Variants in RAB11FIP2 observed in about 807,000 individuals in gnomAD.
RAB11FIP2 encodes the protein RAB11 family interacting protein 2, also known as rab11 family-interacting protein 2.
In RAB11FIP2, 16 loss-of-function variants were observed where a neutral mutation model predicts 40.9. That is an observed-to-expected ratio of 0.39 (90% confidence interval 0.26 to 0.59). The LOEUF (loss-of-function observed/expected upper bound fraction) is 0.59. Among genes scored for constraint, RAB11FIP2 ranks in the 20% least tolerant of loss-of-function variants. The pLI is 0.53. For missense variants in RAB11FIP2, 532 were observed against 606.2 expected (o/e 0.88, Z 1.28); for synonymous variants, 228 against 213.7 (o/e 1.07, Z -0.58).
At chr10:118,044,432 T>C (rs538088947) in intron 1 of RAB11FIP2, among the ~76,000 whole-genome samples, 5 of 152,312 alleles carry the variant, frequency 3.3e-5, no homozygotes, top group African/African-American at 1.2e-4. Flanking sequence ...TTTTTCACTT[T>C]CAATTTGATA....
intron 2 of RAB11FIP2, chr10:118,039,729 A>C (rs1846530036): frequency 5.3e-6 from 2 of 379,746 alleles, no homozygotes; most frequent in Admixed American, 8.4e-5. Flanking sequence ...ATAATGTTAA[A>C]AATTCTCAGA....
rs1055831066 is a variant in RAB11FIP2 at position 118,007,666 on chromosome 10, A to G, written c.*1332T>C. On this transcript the variant is annotated 3_prime_UTR_variant, in exon 5 of 5. Transcript: ENST00000355624. ...TTAAAGGCTGAAAAATAAGCAGAAG[A>G]TTAGCAATATTTTTATAACATTGCT... 1 of 152,102 alleles carries G rather than the reference A, an allele frequency of 6.6e-6. No individual in the cohort carries two copies. Among genetic ancestry groups the G allele is most frequent in the African/African-American group, 2.4e-5 (1 of 41,442 alleles). The allele number at this position is 152,102 out of a possible 1,614,324, so 9.4% of individuals were successfully genotyped here.
chr10:118,020,874 T>C (rs1846276122), intron 3 of RAB11FIP2, among the ~76,000 whole-genome samples: 1 of 152,246 alleles, frequency 6.6e-6, no homozygotes, highest in Admixed American at 6.5e-5. Flanking sequence ...GACAAAGGTT[T>C]GTTCTATTTC....
rs1846542051 is a variant in RAB11FIP2, at chr10:118,040,402, C to A, written c.517G>T (p.Gly173Cys). ...PFAKLKDKMK[G>C]RKNDGTFSDT... Reference sequence around the variant, plus strand: ...GAAAATGTTCCATCATTTTTTCTACCCTTCATCTTATCTTTTAACTTTGCA... The same window carrying A: ...GAAAATGTTCCATCATTTTTTCTACACTTCATCTTATCTTTTAACTTTGCA... Residue 173 changes from glycine (G) to cysteine (C), a missense_variant, in exon 2 of 5, where the codon GGT (glycine) becomes TGT (cysteine). Transcript: ENST00000355624. 1 of 1,613,600 alleles carries A rather than the reference C, an allele frequency of 6.2e-7. No individual in the cohort carries two copies. Among genetic ancestry groups the A allele is most frequent in the Admixed American group, 1.7e-5 (1 of 59,974 alleles).
In RAB11FIP2 at chr10:118,008,912, A is replaced by C; in HGVS notation, c.*86T>G. On this transcript the variant is annotated 3_prime_UTR_variant, in exon 5 of 5. Transcript: ENST00000355624. ...AATATGTAATGAAACCTGATAGTGT[A>C]GTCTCTTTCAGTAACAAGTTTTTCC... The C allele has an allele frequency of 9.6e-7, 1 of 1,039,678 alleles. No individual in the cohort carries two copies. The highest frequency in any genetic ancestry group is 1.5e-5 in the South Asian group (1 of 67,270). The allele number at this position is 1,039,678 out of a possible 1,614,324, so 64.4% of individuals were successfully genotyped here.
chr10:118,039,685 TATG>T, intron 2 of RAB11FIP2: 1 of 448,816 alleles, frequency 2.2e-6, no homozygotes, highest in African/African-American at 2.0e-5. Context: ...TCATATAAAC[TATG>T]ATGTCAAAAC....
rs367673732 is a variant in RAB11FIP2 at position 118,046,759 on chromosome 10, G to A, written c.-596C>T. ...CTCTCGGGCGGGAGCGGGTAGCCAG[G>A]GGTGGAGTGGGGGAGGGCGGGGAAC... On this transcript the variant is annotated 5_prime_UTR_variant, in exon 1 of 5. Transcript: ENST00000355624. 1 of 152,198 alleles carries A rather than the reference G, an allele frequency of 6.6e-6. No individual in the cohort carries two copies. Among genetic ancestry groups the A allele is most frequent in the Non-Finnish European group, 1.5e-5 (1 of 68,148 alleles). The allele number at this position is 152,198 out of a possible 1,614,324, so 9.4% of individuals were successfully genotyped here.
At chr10:118,014,831 A>G (rs1048368246) in intron 4 of RAB11FIP2, among the ~76,000 whole-genome samples, 4 of 152,192 alleles carry the variant, frequency 2.6e-5, no homozygotes, top group African/African-American at 9.6e-5. Context: ...ATTGGCTTCA[A>G]TTATAACCAA....
At chr10:118,021,959 T>A (rs916731680) in intron 3 of RAB11FIP2, among the ~76,000 whole-genome samples, 1 of 152,230 alleles carries the variant, frequency 6.6e-6, no homozygotes, top group Non-Finnish European at 1.5e-5. Context: ...TCTTTTCAAC[T>A]ACCAATCTCT....
intron 1 of RAB11FIP2, among the ~76,000 whole-genome samples, chr10:118,042,297 G>A (rs1053287022): frequency 1.3e-5 from 2 of 152,086 alleles, no homozygotes; most frequent in African/African-American, 2.4e-5. Context: ...AAGGGGGTGG[G>A]GGTAGTGGAA....
Position 118,007,199 on chromosome 10 carries a change from C to A in RAB11FIP2, c.*1799G>T. On this transcript the variant is annotated 3_prime_UTR_variant, in exon 5 of 5. Coordinates refer to ENST00000355624, the MANE Select transcript of RAB11FIP2 (RefSeq NM_014904.3). ...AAAAAAAAACTACCAAGACCTCAAA[C>A]GGGAAAATACCATTCTACACCAGAC... 6.7e-6 allele frequency: 1 copy of A among 148,334 alleles called. No homozygotes were observed. The allele number at this position is 148,334 out of a possible 1,614,324, so 9.2% of individuals were successfully genotyped here. A position where few individuals can be genotyped will look rare whatever the true frequency, so the allele number is the denominator to read the frequency against.
At chr10:118,043,998 C>T (rs1846594945) in intron 1 of RAB11FIP2, among the ~76,000 whole-genome samples, 1 of 152,152 alleles carries the variant, frequency 6.6e-6, no homozygotes. Context: ...ACTTTGAATG[C>T]AATAACATCA....
At chr10:118,038,768 G>C (rs756700867) in intron 3 of RAB11FIP2, among the ~76,000 whole-genome samples, 1 of 151,966 alleles carries the variant, frequency 6.6e-6, no homozygotes, top group Non-Finnish European at 1.5e-5. Flanking sequence ...GAGAATAAGA[G>C]TCTTTTATCT....
At chr10:118,024,051 C>T (rs956680329) in intron 3 of RAB11FIP2, among the ~76,000 whole-genome samples, 2 of 149,234 alleles carry the variant, frequency 1.3e-5, no homozygotes, top group African/African-American at 5.0e-5. Flanking sequence ...GATCACGCCA[C>T]TGCACTCCAG....
chr10:118,018,365 C>T (rs1048503873), intron 3 of RAB11FIP2: 1 of 152,168 alleles, frequency 6.6e-6, no homozygotes, highest in Non-Finnish European at 1.5e-5. Context: ...GACAAGATAT[C>T]GAATAATCCG....
At chr10:118,020,050 CACTT>C (rs1013490450) in intron 3 of RAB11FIP2, among the ~76,000 whole-genome samples, 15 of 152,286 alleles carry the variant, frequency 9.8e-5, no homozygotes, top group African/African-American at 3.6e-4. Flanking sequence ...CATGTTAACT[CACTT>C]AATCCTTGTA....
chr10:118,038,862 T>C (rs1362483295), intron 3 of RAB11FIP2, 110 bp downstream of exon 3: 7 of 787,032 alleles, frequency 8.9e-6, no homozygotes, highest in East Asian at 2.9e-5. Flanking sequence ...AAAATGTTTT[T>C]CAAATAAAAT....
At chr10:118,033,576 G>A (rs1256592495) in intron 3 of RAB11FIP2, among the ~76,000 whole-genome samples, 1 of 152,166 alleles carries the variant, frequency 6.6e-6, no homozygotes, top group East Asian at 1.9e-4. Context: ...GCCCGGGAAT[G>A]AAGACGGCAT....
chr10:118,014,930 A>C, intron 4 of RAB11FIP2, 135 bp downstream of exon 4: 1 of 665,066 alleles, frequency 1.5e-6, no homozygotes, highest in South Asian at 2.6e-5. Context: ...CTTTCTCCTA[A>C]AATTACTACG....
Sources: gnomAD v4.1 joint callset for allele counts (sites outside exome capture counted in the v4.1 genomes callset) on GRCh38, gnomAD v4.1.1 for gene constraint, MANE v1.5 for transcripts, NCBI Gene and HGNC (gene_info 2026-07-23, HGNC 2026-07-21) for gene names.